AP5B1: variants seen among roughly 807,000 people sequenced by gnomAD.
AP5B1 encodes adaptor related protein complex 5 subunit beta 1.
In AP5B1, 3 loss-of-function variants were observed where a neutral mutation model predicts 5.7. The ratio of observed to expected loss-of-function variants is 0.53; its 90% CI spans 0.24 to 1.36. The LOEUF (loss-of-function observed/expected upper bound fraction) is 1.36, where lower values mean the gene tolerates loss of function less well. AP5B1 is among the 40% of genes most tolerant of loss of function. The pLI is 0.17. For missense variants in AP5B1, 1,310 were observed against 1,143.2 expected (o/e 1.15, Z -2.10); for synonymous variants, 696 against 555.5 (o/e 1.25, Z -3.56).
chr11:65,779,510 A>G lies in AP5B1; in HGVS notation c.983T>C (p.Leu328Pro), dbSNP rs755197313. ...TAQLTLLHAM[L>P]ALKAAFGEAL... ...CTCACCAAAGGCCGCCTTGAGCGCA[A>G]GCATGGCGTGCAACAGTGTCAGCTG... Residue 328 changes from leucine (L) to proline (P), a missense_variant, in exon 2 of 2, where the codon CTT (leucine) becomes CCT (proline). Transcript: ENST00000532090. 6.2e-7 allele frequency: 1 copy of G among 1,605,190 alleles called. No homozygotes were observed. Among genetic ancestry groups the G allele is most frequent in the Admixed American group, 1.7e-5 (1 of 58,434 alleles).
Position 65,777,707 on chromosome 11 carries a change from AC to A in AP5B1, c.*148del. On this transcript the variant is annotated 3_prime_UTR_variant, in exon 2 of 2. Transcript: ENST00000532090. ...CAAAAACAGACTCAGACAGACCCTC[AC>A]CCCCAGGAGCCTGCTCCCAACCGGG... 1 of 892,462 alleles carries A rather than the reference AC, an allele frequency of 1.1e-6. No homozygotes were observed. The highest frequency in any genetic ancestry group is 1.8e-5 in the South Asian group (1 of 54,080). 55.3% of individuals were successfully genotyped at this position (892,462 alleles called of 1,614,324 possible). A position where few individuals can be genotyped will look rare whatever the true frequency, so the allele number is the denominator to read the frequency against.
rs1010776335 is a variant in AP5B1 at position 65,773,976 on chromosome 11, C to A, written c.*3880G>T. Among the ~76,000 whole-genome samples, 2 of 152,146 alleles carry A rather than the reference C, an allele frequency of 1.3e-5. No homozygotes were observed. The highest frequency in any genetic ancestry group is 4.8e-5 in the African/African-American group (2 of 41,440). Reference sequence around the variant, plus strand: ...AAGGTGGGCTCTACATGACTTAACCCTTGCTTGGCATGGCCTTAGGTCCTG... The same window carrying A: ...AAGGTGGGCTCTACATGACTTAACCATTGCTTGGCATGGCCTTAGGTCCTG... On this transcript the variant is annotated 3_prime_UTR_variant, in exon 2 of 2. Transcript: ENST00000532090.
At position 65,780,625 on chromosome 11, in the gene AP5B1, G is replaced by A. The variant is rs1301835016; in HGVS notation, c.-34C>T. 3 of 1,337,976 alleles carry A rather than the reference G, an allele frequency of 2.2e-6. No homozygotes were observed. Among genetic ancestry groups the A allele is most frequent in the African/African-American group, 3.1e-5 (2 of 64,938 alleles). 82.9% of individuals were successfully genotyped at this position (1,337,976 alleles called of 1,614,324 possible). The stretch of plus-strand genomic sequence containing the variant: ...GCGCGGGCCCCTGCGCAGGGAAGAG[G>A]GACCCTCAGGCCGCAGCCACCGGGA... On this transcript the variant is annotated 5_prime_UTR_variant, in exon 1 of 2. Transcript: ENST00000532090.
At position 65,780,171 on chromosome 11, in the gene AP5B1, C is replaced by T. The variant is rs1857831141; in HGVS notation, c.322G>A (p.Gly108Ser). Reference sequence around the variant, plus strand: ...GCGCCCGAGGTGGGGCCCAGCGCGCCGCCCGCCGCCAGGGCAGTGGTGGCC... The same window carrying T: ...GCGCCCGAGGTGGGGCCCAGCGCGCTGCCCGCCGCCAGGGCAGTGGTGGCC... ...LAATTALAAG[G>S]ALGPTSGASC... Residue 108 changes from glycine (G) to serine (S), a missense_variant, in exon 2 of 2, where the codon GGC (glycine) becomes AGC (serine). Transcript: ENST00000532090. 6.8e-7 allele frequency: 1 copy of T among 1,478,758 alleles called. No homozygotes were observed. Among genetic ancestry groups the T allele is most frequent in the African/African-American group, 1.5e-5 (1 of 68,534 alleles). The allele number at this position is 1,478,758 out of a possible 1,614,324, so 91.6% of individuals were successfully genotyped here. A position where few individuals can be genotyped will look rare whatever the true frequency, so the allele number is the denominator to read the frequency against.
rs371326946 is a variant in AP5B1, at chr11:65,780,142, G to C, written c.351C>G (p.Ser117=). 855 of 1,477,056 alleles carry C rather than the reference G, an allele frequency of 5.8e-4. 4 individuals are homozygous for C. The African/African-American group carries it at 0.011, about 19-fold the overall frequency. The allele number at this position is 1,477,056 out of a possible 1,614,324, so 91.5% of individuals were successfully genotyped here. A position where few individuals can be genotyped will look rare whatever the true frequency, so the allele number is the denominator to read the frequency against. The stretch of plus-strand genomic sequence containing the variant: ...CGAGCAGTAGGGGCAGGAGCCGGCA[G>C]GAGGCGCCCGAGGTGGGGCCCAGCG... The part of the protein sequence containing the change: ...GGALGPTSGA[S]CRLLPLLLGL... The change falls in exon 2 of 2, where the codon TCC becomes TCG. Residue 117 remains serine, a synonymous_variant. Coordinates refer to ENST00000532090, the MANE Select transcript of AP5B1 (RefSeq NM_138368.5).
rs1429397688 is a variant in AP5B1 at position 65,780,352 on chromosome 11, G to A, written c.151-10C>T. On this transcript the variant is annotated splice_polypyrimidine_tract_variant and intron_variant, in intron 1 of 1. Coordinates refer to ENST00000532090, the MANE Select transcript of AP5B1 (RefSeq NM_138368.5). ...GGGCCAGCAGGGAAACCTGGATGGG[G>A]GATTAGGAGGGAATCACGAAGATGA... 1.2e-5 allele frequency: 17 copies of A among 1,464,992 alleles called. No homozygotes were observed. Among genetic ancestry groups the A allele is most frequent in the South Asian group, 8.3e-5 (6 of 72,358 alleles). 90.7% of individuals were successfully genotyped at this position (1,464,992 alleles called of 1,614,324 possible).
At position 65,778,388 on chromosome 11, in the gene AP5B1, T is replaced by C; in HGVS notation, c.2105A>G (p.Gln702Arg). The change falls in exon 2 of 2, where the codon CAG (glutamine) becomes CGG (arginine). Residue 702 changes from glutamine (Q) to arginine (R), a missense_variant. Gln to Arg is a conservative substitution (Grantham distance 43). Transcript: ENST00000532090. ...SLELRFRVEG[Q>R]LYAPLEAVHV... is the part of the protein sequence containing the mutation. ...GACAGCCTCCAGGGGTGCATACAGC[T>C]GTCCTTCCACACGGAAGCGCAGCTC... is the stretch of plus-strand genomic sequence containing the variant. 1 of 1,602,458 alleles carries C rather than the reference T, an allele frequency of 6.2e-7. No individual in the cohort carries two copies. Among genetic ancestry groups the C allele is most frequent in the Non-Finnish European group, 8.5e-7 (1 of 1,175,868 alleles).
In AP5B1 at chr11:65,778,414, C is replaced by G. The variant is rs753015262; in HGVS notation, c.2079G>C (p.Leu693=). The G allele has an allele frequency of 1.1e-5, 17 of 1,587,480 alleles. No homozygotes were observed. Among genetic ancestry groups the G allele is most frequent in the African/African-American group, 1.3e-5 (1 of 74,450 alleles). ...QPEALEPIYS[L]ELRFRVEGQL... ...GTCCTTCCACACGGAAGCGCAGCTC[C>G]AGAGAGTAGATGGGCTCCAGCGCCT... The change falls in exon 2 of 2, where the codon CTG becomes CTC. Residue 693 remains leucine (L), a synonymous_variant. Coordinates refer to ENST00000532090, the MANE Select transcript of AP5B1 (RefSeq NM_138368.5).
Position 65,779,377 on chromosome 11 carries a change from G to A in AP5B1, c.1116C>T (p.Val372=). 1.3e-6 allele frequency: 2 copies of A among 1,598,652 alleles called. No individual in the cohort carries two copies. ...GCGGCCAGTTCTCAGGGAAGCTCAG[G>A]ACGCAGTGAAGGTAAAAGAGATGGG... The part of the protein sequence containing the change: ...PPTHLFYLHC[V]LSFPENWPLG... Residue 372 remains valine, a synonymous_variant, in exon 2 of 2, where the codon GTC becomes GTT. Transcript: ENST00000532090.
Position 65,778,732 on chromosome 11 carries a change from C to G in AP5B1, c.1761G>C (p.Gly587=). 1 of 1,602,898 alleles carries G rather than the reference C, an allele frequency of 6.2e-7. No individual in the cohort carries two copies. The highest frequency in any genetic ancestry group is 8.5e-7 in the Non-Finnish European group (1 of 1,175,956). Residue 587 remains glycine, a synonymous_variant, in exon 2 of 2, where the codon GGG becomes GGC. Coordinates refer to ENST00000532090, the MANE Select transcript of AP5B1 (RefSeq NM_138368.5). ...GCAAGTCGACCAGGCCGCCCCTCAC[C>G]CCTGCCCGCAGCAGCGCCCGGCAGA... ...LRVCRALLRA[G]VRGGLVDLLQ... is the part of the protein sequence containing the mutation.
At position 65,778,316 on chromosome 11, in the gene AP5B1, A is replaced by G; in HGVS notation, c.2177T>C (p.Leu726Pro). ...CPGRPARPLL[L>P]PLQPRCPAPA... ...GGCCGGGCATCGGGGCTGCAGAGGC[A>G]GGAGCAGAGGGCGGGCAGGGCGGCC... The change falls in exon 2 of 2, where the codon CTG (leucine) becomes CCG (proline). Residue 726 changes from leucine to proline, a missense_variant. By Grantham distance (98) the Leu-to-Pro change is moderately conservative. Coordinates refer to ENST00000532090, the MANE Select transcript of AP5B1 (RefSeq NM_138368.5). The G allele has an allele frequency of 6.2e-7, 1 of 1,612,760 alleles. No homozygotes were observed. The highest frequency in any genetic ancestry group is 8.5e-7 in the Non-Finnish European group (1 of 1,179,816).
chr11:65,778,528 C>A lies in AP5B1; in HGVS notation c.1965G>T (p.Leu655=). ...VAENQGFVAA[L]MVQEAPALVR... is the part of the protein sequence containing the mutation. ...CCAGGGCCGGTGCCTCCTGCACCAT[C>A]AGTGCTGCCACAAAGCCCTGGTTCT... Residue 655 remains leucine (L), a synonymous_variant, in exon 2 of 2, where the codon CTG becomes CTT. Transcript: ENST00000532090. 1 of 1,576,064 alleles carries A rather than the reference C, an allele frequency of 6.3e-7. No homozygotes were observed.
chr11:65,778,785 A>T lies in AP5B1; in HGVS notation c.1708T>A (p.Trp570Arg). 1 of 1,611,250 alleles carries T rather than the reference A, an allele frequency of 6.2e-7. No individual in the cohort carries two copies. The highest frequency in any genetic ancestry group is 1.1e-5 in the South Asian group (1 of 90,850). ...LQAAAAHCTN[W>R]DLQQGLLRVC... ...CGCAGCAGGCCCTGCTGTAGGTCCC[A>T]GTTCGTGCAGTGGGCAGCCGCGGCC... The change falls in exon 2 of 2, where the codon TGG (tryptophan) becomes AGG (arginine). Residue 570 changes from tryptophan (W) to arginine (R), a missense_variant. Trp to Arg is a moderately radical substitution (Grantham distance 101, BLOSUM62 -3). Coordinates refer to ENST00000532090, the MANE Select transcript of AP5B1 (RefSeq NM_138368.5).
At position 65,777,851 on chromosome 11, in the gene AP5B1, G is replaced by C. The variant is rs536039638; in HGVS notation, c.*5C>G. ...CAGTCCTGCCCCCACCTGGTCTCCC[G>C]GGGCTCAGACAGCAGCCGCCAGCCC... is the stretch of plus-strand genomic sequence containing the variant. On this transcript the variant is annotated 3_prime_UTR_variant, in exon 2 of 2. Coordinates refer to ENST00000532090, the MANE Select transcript of AP5B1 (RefSeq NM_138368.5). 2.0e-6 allele frequency: 3 copies of C among 1,515,048 alleles called. No individual in the cohort carries two copies. The highest frequency in any genetic ancestry group is 1.4e-5 in the African/African-American group (1 of 72,394). The allele number at this position is 1,515,048 out of a possible 1,614,324, so 93.9% of individuals were successfully genotyped here.
rs1159343269 is a variant in AP5B1, at chr11:65,780,945, G to A, written c.-354C>T. On this transcript the variant is annotated 5_prime_UTR_variant, in exon 1 of 2. Transcript: ENST00000532090. Reference sequence around the variant, plus strand: ...GCTCGCCGCCTGACTCAGCCGCCGCGGGCACTCAGGCCGGCCGGCTCCTTC... The same window carrying A: ...GCTCGCCGCCTGACTCAGCCGCCGCAGGCACTCAGGCCGGCCGGCTCCTTC... The A allele has an allele frequency of 1.3e-5, 2 of 151,772 alleles. No individual in the cohort carries two copies. Among genetic ancestry groups the A allele is most frequent in the African/African-American group, 4.9e-5 (2 of 41,186 alleles). The allele number at this position is 151,772 out of a possible 1,614,324, so 9.4% of individuals were successfully genotyped here. A position where few individuals can be genotyped will look rare whatever the true frequency, so the allele number is the denominator to read the frequency against.
chr11:65,779,723 C>A lies in AP5B1; in HGVS notation c.770G>T (p.Arg257Leu). 1 of 1,608,122 alleles carries A rather than the reference C, an allele frequency of 6.2e-7. No homozygotes were observed. ...EGEGERSLTA[R>L]EHSPEEAREL... ...CCGCGCCTCCTCAGGGCTGTGCTCT[C>A]GTGCTGTAAGGCTACGCTCCCCCTC... Residue 257 changes from arginine to leucine, a missense_variant, in exon 2 of 2, where the codon CGA (arginine) becomes CTA (leucine). Arg to Leu is a moderately radical substitution (Grantham distance 102). Coordinates refer to ENST00000532090, the MANE Select transcript of AP5B1 (RefSeq NM_138368.5).
In AP5B1 at chr11:65,778,349, A is replaced by G; in HGVS notation, c.2144T>C (p.Leu715Pro). 1 of 1,611,078 alleles carries G rather than the reference A, an allele frequency of 6.2e-7. No individual in the cohort carries two copies. Among genetic ancestry groups the G allele is most frequent in the Non-Finnish European group, 8.5e-7 (1 of 1,179,188 alleles). ...AGGGCGGGCAGGGCGGCCAGGACAC[A>G]GGCAGGGCACATGGACAGCCTCCAG... ...APLEAVHVPCLCPGRPARPLL... is the reference protein window; with the variant it reads ...APLEAVHVPCPCPGRPARPLL... Residue 715 changes from leucine (L) to proline (P), a missense_variant, in exon 2 of 2, where the codon CTG (leucine) becomes CCG (proline). By Grantham distance (98) the Leu-to-Pro change is moderately conservative. Coordinates refer to ENST00000532090, the MANE Select transcript of AP5B1 (RefSeq NM_138368.5).
rs964351218 is a variant in AP5B1, at chr11:65,777,784, C to T, written c.*72G>A. On this transcript the variant is annotated 3_prime_UTR_variant, in exon 2 of 2. Transcript: ENST00000532090. ...GGCACTGCGGAATGCAGGGTTTTGG[C>T]GACAGAGCTACAGGAGTGTGCCTTG... The T allele has an allele frequency of 2.0e-5, 29 of 1,425,858 alleles. No homozygotes were observed. In the South Asian group the frequency reaches 3.6e-4, roughly 17 times the overall value. The allele number at this position is 1,425,858 out of a possible 1,614,324, so 88.3% of individuals were successfully genotyped here.
At position 65,777,643 on chromosome 11, in the gene AP5B1, A is replaced by G; in HGVS notation, c.*213T>C. On this transcript the variant is annotated 3_prime_UTR_variant, in exon 2 of 2. Coordinates refer to ENST00000532090, the MANE Select transcript of AP5B1 (RefSeq NM_138368.5). ...GCTCTGAGCCAATACATTTCTGTTTATTATAACTTACCCCGTCTCAGGGAT... is the reference window on the plus strand; with the variant it reads ...GCTCTGAGCCAATACATTTCTGTTTGTTATAACTTACCCCGTCTCAGGGAT... 1 of 592,182 alleles carries G rather than the reference A, an allele frequency of 1.7e-6. No homozygotes were observed. Among genetic ancestry groups the G allele is most frequent in the South Asian group, 2.5e-5 (1 of 40,716 alleles). The allele number at this position is 592,182 out of a possible 1,614,324, so 36.7% of individuals were successfully genotyped here. A position where few individuals can be genotyped will look rare whatever the true frequency, so the allele number is the denominator to read the frequency against.
Sources: allele counts gnomAD v4.1 joint callset (sites outside exome capture counted in the v4.1 genomes callset), GRCh38; gene constraint gnomAD v4.1.1; transcripts MANE v1.5; gene names NCBI Gene and HGNC (gene_info 2026-07-23, HGNC 2026-07-21).